MAU2: variants seen among roughly 807,000 people sequenced by gnomAD.
The protein encoded by MAU2 is MAU2 chromatid cohesion factor homolog.
In MAU2, 9 loss-of-function variants were observed where a neutral mutation model predicts 89.1. The observed-to-expected ratio is 0.10, with a 90% CI of 0.06 to 0.18. The LOEUF (loss-of-function observed/expected upper bound fraction) is 0.18. Ranked by LOEUF, MAU2 falls within the 10% of genes least tolerant of loss-of-function variation. The pLI is 1.00. For missense variants in MAU2, 425 were observed against 803.5 expected (o/e 0.53, Z 5.69); for synonymous variants, 357 against 343.4 (o/e 1.04, Z -0.44).
intron 16 of MAU2, among the ~76,000 whole-genome samples, chr19:19,351,993 C>T (rs79756534): frequency 0.033 from 5,022 of 151,720 alleles, 295 homozygotes; most frequent in African/African-American, 0.12. Flanking sequence ...GGATTACAGT[C>T]GAGCACCATC....
chr19:19,326,691 A>ATATATATACGTATATATATATATATACAT (rs1555792830), intron 1 of MAU2, among the ~76,000 whole-genome samples: 2 of 109,448 alleles, frequency 1.8e-5, no homozygotes, highest in Non-Finnish European at 3.8e-5. Context: ...CTCAAAAAAA[A>ATATATATACGTATATATATATATATACAT]ATATATATAT....
At chr19:19,332,834 C>A (rs1271834987) in intron 1 of MAU2, among the ~76,000 whole-genome samples, 1 of 151,612 alleles carries the variant, frequency 6.6e-6, no homozygotes, top group Non-Finnish European at 1.5e-5. Context: ...CCCAGCACTT[C>A]GGGAGGCTAA....
In MAU2 at chr19:19,355,890, G is replaced by A; in HGVS notation, c.*108G>A. On this transcript the variant is annotated 3_prime_UTR_variant, in exon 19 of 19. Transcript: ENST00000262815. Reference sequence around the variant, plus strand: ...CGTGCTTCCTTCCTGATTGTCTCTAGAGCTTCCAAGTCCTGGGAATGTGCG... The same window carrying A: ...CGTGCTTCCTTCCTGATTGTCTCTAAAGCTTCCAAGTCCTGGGAATGTGCG... 2 of 1,079,748 alleles carry A rather than the reference G, an allele frequency of 1.9e-6. No homozygotes were observed. The highest frequency in any genetic ancestry group is 2.8e-6 in the Non-Finnish European group (2 of 711,678). 66.9% of individuals were successfully genotyped at this position (1,079,748 alleles called of 1,614,324 possible). A position where few individuals can be genotyped will look rare whatever the true frequency, so the allele number is the denominator to read the frequency against.
chr19:19,334,288 A>G, intron 1 of MAU2: 1 of 985,434 alleles, frequency 1.0e-6, no homozygotes, highest in South Asian at 4.7e-5. Flanking sequence ...GGACCACAGG[A>G]GGCAGACGCT....
In MAU2 at chr19:19,345,526, C is replaced by T. The variant is rs577916566; in HGVS notation, c.1221+157C>T. Among the ~76,000 whole-genome samples, 1 of 152,332 alleles carries T rather than the reference C, an allele frequency of 6.6e-6. No individual in the cohort carries two copies. The highest frequency in any genetic ancestry group is 1.5e-5 in the Non-Finnish European group (1 of 68,018). On this transcript the variant is annotated intron_variant, in intron 12 of 18. Transcript: ENST00000262815. The surrounding 1 kb of genome is among the most constrained non-coding windows in gnomAD (Gnocchi z 4.9). ...AGTAGTCAGCCCATGCCAGCCTTGG[C>T]AGTGACGCGCTGTTTATCTGGATAA...
chr19:19,336,448 C>T (rs1419124559), intron 3 of MAU2, among the ~76,000 whole-genome samples: 1 of 152,100 alleles, frequency 6.6e-6, no homozygotes, highest in African/African-American at 2.4e-5. Flanking sequence ...TATAGGCATG[C>T]ACCACCATGC....
Position 19,357,757 on chromosome 19 carries a change from A to G in MAU2, c.*1975A>G, listed in dbSNP as rs2048195963. ...TACAATTAAAAACTCAGTACTCAATATTTAATATTCTACTCGAGCTTTATG... is the reference window on the plus strand; with the variant it reads ...TACAATTAAAAACTCAGTACTCAATGTTTAATATTCTACTCGAGCTTTATG... On this transcript the variant is annotated 3_prime_UTR_variant, in exon 19 of 19. Transcript: ENST00000262815. The G allele has an allele frequency of 6.6e-6, 1 of 152,188 alleles. No individual in the cohort carries two copies. The highest frequency in any genetic ancestry group is 2.1e-4 in the South Asian group (1 of 4,832). 9.4% of individuals were successfully genotyped at this position (152,188 alleles called of 1,614,324 possible).
At chr19:19,340,364 G>A (rs2042613263) in intron 5 of MAU2, among the ~76,000 whole-genome samples, 1 of 151,402 alleles carries the variant, frequency 6.6e-6, no homozygotes. Flanking sequence ...AACAGGCCGG[G>A]CGCGGTGGCT....
At chr19:19,327,674 G>A (rs777153752) in intron 1 of MAU2, among the ~76,000 whole-genome samples, 31 of 151,844 alleles carry the variant, frequency 2.0e-4, no homozygotes, top group Admixed American at 3.3e-4. Context: ...CACTGGTCTC[G>A]AACTCCTCAG....
In MAU2 at chr19:19,337,276, C is replaced by T. The variant is rs374192615; in HGVS notation, c.456+11C>T. On this transcript the variant is annotated intron_variant, in intron 4 of 18. Transcript: ENST00000262815. ...CTCTTCCAGCTCGCTGTGAGTACCGCGGCCCGGGAACGAGGGTGCCCGGCA... is the reference window on the plus strand; with the variant it reads ...CTCTTCCAGCTCGCTGTGAGTACCGTGGCCCGGGAACGAGGGTGCCCGGCA... The T allele has an allele frequency of 1.1e-5, 18 of 1,610,170 alleles. No homozygotes were observed. Among genetic ancestry groups the T allele is most frequent in the South Asian group, 4.4e-5 (4 of 90,676 alleles).
At chr19:19,344,296 C>T in intron 10 of MAU2, 1 of 279,696 alleles carries the variant, frequency 3.6e-6, no homozygotes, top group South Asian at 3.7e-5. Context: ...CCTGTAATCC[C>T]AGTTACTTGA....
chr19:19,347,015 C>T (rs1047272381), intron 12 of MAU2: 13 of 439,658 alleles, frequency 3.0e-5, no homozygotes, highest in African/African-American at 2.0e-4. Flanking sequence ...GACCAAAACC[C>T]GACATGTTCT....
At chr19:19,331,098 G>A in intron 1 of MAU2, among the ~76,000 whole-genome samples, 1 of 151,950 alleles carries the variant, frequency 6.6e-6, no homozygotes, top group East Asian at 1.9e-4. Flanking sequence ...AGGGGCTGCT[G>A]ATGGAGACAG....
intron 16 of MAU2, chr19:19,352,764 G>C (rs1447266868): frequency 6.6e-6 from 1 of 152,252 alleles, no homozygotes; most frequent in Non-Finnish European, 1.5e-5. Context: ...TAGGTGTTGT[G>C]GGGGCATCTT....
chr19:19,355,448 G>C lies in MAU2; in HGVS notation c.1767+57G>C, dbSNP rs970617492. On this transcript the variant is annotated intron_variant, in intron 18 of 18. Coordinates refer to ENST00000262815, the MANE Select transcript of MAU2 (RefSeq NM_015329.4). ...GGACTAGCGGGCTCCCCACCTGCAA[G>C]AGGAAGGGGCACCTTGGCTGTATTT... is the stretch of plus-strand genomic sequence containing the variant. 1.2e-5 allele frequency: 20 copies of C among 1,600,340 alleles called. No homozygotes were observed. In the African/African-American group the frequency reaches 2.7e-4, roughly 21 times the overall value.
chr19:19,354,165 G>T (rs924584578), intron 16 of MAU2, 190 bp from the exon 17 acceptor site: 5 of 612,448 alleles, frequency 8.2e-6, no homozygotes, highest in Non-Finnish European at 1.2e-5. Context: ...TTGTTTTTCA[G>T]TGATACTTCA....
intron 1 of MAU2, among the ~76,000 whole-genome samples, chr19:19,327,707 G>A (rs1238552094): frequency 3.3e-5 from 5 of 152,008 alleles, no homozygotes; most frequent in Admixed American, 6.6e-5. Context: ...GGTCACAGTA[G>A]TTGGTGTCTC....
At chr19:19,330,070 C>T (rs2061543832) in intron 1 of MAU2, among the ~76,000 whole-genome samples, 1 of 151,864 alleles carries the variant, frequency 6.6e-6, no homozygotes, top group South Asian at 2.1e-4. Context: ...ACTTCTGCCT[C>T]CTGGGCTCAT....
At chr19:19,330,223 A>G (rs2061544848) in intron 1 of MAU2, among the ~76,000 whole-genome samples, 1 of 151,474 alleles carries the variant, frequency 6.6e-6, no homozygotes, top group South Asian at 2.1e-4. Flanking sequence ...CAAGCAGTCC[A>G]CCTGTCTTGG....
Sources: allele counts gnomAD v4.1 joint callset (sites outside exome capture counted in the v4.1 genomes callset), GRCh38; gene constraint gnomAD v4.1.1; non-coding constraint Gnocchi (gnomAD v3.1); transcripts MANE v1.5; gene names NCBI Gene and HGNC (gene_info 2026-07-23, HGNC 2026-07-21).